ATF7IP: variants seen among roughly 807,000 people sequenced by gnomAD.
ATF7IP encodes the protein activating transcription factor 7-interacting protein 1.
ATF7IP carries 23 observed loss-of-function variants against 106.4 expected under a neutral mutation model. That is an observed-to-expected ratio of 0.22 (90% CI 0.16 to 0.31). The LOEUF is 0.31. Among genes scored for constraint, ATF7IP ranks in the 10% least tolerant of loss-of-function variants. ATF7IP has a pLI of 1.00. For synonymous variants in ATF7IP, 542 were observed against 539.0 expected, an observed-to-expected ratio of 1.01 and a Z score of -0.08; for missense variants, 1,334 against 1,524.3, an observed-to-expected ratio of 0.88 and a Z score of 2.08.
chr12:14,469,375 A>C (rs1035000799), intron 10 of ATF7IP, among the ~76,000 whole-genome samples: 11 of 151,710 alleles, frequency 7.3e-5, no homozygotes, highest in East Asian at 3.9e-4. Context: ...AAAAAAAAAA[A>C]AAAAAAAACT....
At chr12:14,385,445 C>CT (rs1322876754) in intron 1 of ATF7IP, 1 of 1,510,922 alleles carries the variant, frequency 6.6e-7, no homozygotes. Context: ...TCATTTTTTT[C>CT]TTTTTTAAAA....
chr12:14,421,693 A>G (rs1941516082), intron 1 of ATF7IP, among the ~76,000 whole-genome samples: 1 of 152,136 alleles, frequency 6.6e-6, no homozygotes, highest in East Asian at 1.9e-4. Context: ...GCTTAAGACT[A>G]ATATCTTTCT....
At chr12:14,395,315 C>T (rs570163462) in intron 1 of ATF7IP, 34 of 200 alleles carry the variant, frequency 0.17, no homozygotes, top group African/African-American at 0.35. Context: ...TTTCTCTCAC[C>T]ATTGGAAGTT....
intron 13 of ATF7IP, among the ~76,000 whole-genome samples, chr12:14,490,563 C>G (rs927249812): frequency 6.6e-6 from 1 of 152,278 alleles, no homozygotes; most frequent in Middle Eastern, 3.4e-3. Flanking sequence ...TCAGGGATGT[C>G]CTAGAAAGGG....
chr12:14,457,346 T>C, intron 8 of ATF7IP, 51 bp downstream of exon 8: 2 of 1,294,536 alleles, frequency 1.5e-6, no homozygotes, highest in South Asian at 2.7e-5. Context: ...ATTAAAGGCT[T>C]TGGTTCTCTT....
chr12:14,399,786 T>A lies in ATF7IP; in HGVS notation c.-7-24123T>A, dbSNP rs16909857. Among the ~76,000 whole-genome samples the A allele has an allele frequency of 8.1e-3, 1,228 of 152,252 alleles. 30 individuals carry two copies. Among genetic ancestry groups the A allele is most frequent in the African/African-American group, 0.028 (1,175 of 41,534 alleles). ...GTTTATTCTCCTACTAATTAGCTAG[T>A]GTTTTTTGTGGGATTTGGCACCTGA... is the stretch of plus-strand genomic sequence containing the variant. On this transcript the variant is annotated intron_variant, in intron 1 of 14. Coordinates refer to ENST00000261168, the MANE Select transcript of ATF7IP (RefSeq NM_018179.5).
intron 2 of ATF7IP, 137 bp from the exon 3 acceptor site, chr12:14,434,200 T>G: frequency 1.7e-6 from 1 of 584,574 alleles, no homozygotes; most frequent in Non-Finnish European, 3.0e-6. Context: ...CCTTTTCCCC[T>G]CCCCAAATTT....
intron 10 of ATF7IP, among the ~76,000 whole-genome samples, chr12:14,475,526 G>A (rs1235871634): frequency 2.0e-5 from 3 of 152,128 alleles, no homozygotes; most frequent in Admixed American, 1.3e-4. Flanking sequence ...TTTAATGATT[G>A]CCTTTGGTGT....
rs986577835 is a variant in ATF7IP, at chr12:14,499,200, A to C, written c.*1127A>C. On this transcript the variant is annotated 3_prime_UTR_variant, in exon 15 of 15. Transcript: ENST00000261168. Reference sequence around the variant, plus strand: ...TGTATGTACATGGATGTGTATGTACACACACACACAGGTGCATGCATAGTC... The same window carrying C: ...TGTATGTACATGGATGTGTATGTACCCACACACACAGGTGCATGCATAGTC... 6.6e-6 allele frequency: 1 copy of C among 151,766 alleles called. No homozygotes were observed. The highest frequency in any genetic ancestry group is 2.4e-5 in the African/African-American group (1 of 41,350). 9.4% of individuals were successfully genotyped at this position (151,766 alleles called of 1,614,324 possible). A position where few individuals can be genotyped will look rare whatever the true frequency, so the allele number is the denominator to read the frequency against.
chr12:14,452,326 A>G (rs957927679), intron 6 of ATF7IP, among the ~76,000 whole-genome samples: 1 of 152,210 alleles, frequency 6.6e-6, no homozygotes, highest in Non-Finnish European at 1.5e-5. Context: ...GGAGAATTTT[A>G]TCCATTTGCA....
rs1565561366 is a variant in ATF7IP, at chr12:14,496,213, T to TTTTTTG, written c.3281-14_3281-9dup. ...TAGAATTATCATTTTATCCTGTAATTTTTTTGTTTGTTTGTAGGTGTTACA... is the reference window on the plus strand; with the variant it reads ...TAGAATTATCATTTTATCCTGTAATTTTTTTGTTTTTGTTTGTTTGTAGGTGTTACA... On this transcript the variant is annotated splice_polypyrimidine_tract_variant and intron_variant, in intron 13 of 14. Transcript: ENST00000261168. The TTTTTTG allele has an allele frequency of 6.7e-7, 1 of 1,483,270 alleles. No individual in the cohort carries two copies. The highest frequency in any genetic ancestry group is 9.4e-7 in the Non-Finnish European group (1 of 1,063,990). 91.9% of individuals were successfully genotyped at this position (1,483,270 alleles called of 1,614,324 possible).
intron 1 of ATF7IP, among the ~76,000 whole-genome samples, chr12:14,388,572 CCT>C (rs1231383433): frequency 1.3e-5 from 2 of 152,086 alleles, no homozygotes; most frequent in Non-Finnish European, 2.9e-5. Context: ...GTCTTGAACT[CCT>C]GACCTAAAGT....
chr12:14,420,209 A>G (rs1039565108), intron 1 of ATF7IP: 2 of 152,228 alleles, frequency 1.3e-5, no homozygotes, highest in African/African-American at 4.8e-5. Flanking sequence ...TTGGGGAGAG[A>G]TTAAGGAAGT....
intron 5 of ATF7IP, among the ~76,000 whole-genome samples, chr12:14,440,314 G>A (rs1373180226): frequency 6.6e-6 from 1 of 152,058 alleles, no homozygotes; most frequent in East Asian, 1.9e-4. Context: ...TCCTTCCAAA[G>A]CATTGTACTA....
intron 1 of ATF7IP, among the ~76,000 whole-genome samples, chr12:14,375,842 T>C (rs774083663): frequency 2.0e-5 from 3 of 152,248 alleles, no homozygotes; most frequent in Non-Finnish European, 4.4e-5. Context: ...GAAGCAACTA[T>C]GTGCAGGGAG....
At chr12:14,448,231 G>A (rs1943060836) in intron 6 of ATF7IP, among the ~76,000 whole-genome samples, 1 of 152,020 alleles carries the variant, frequency 6.6e-6, no homozygotes, top group Non-Finnish European at 1.5e-5. Flanking sequence ...TGCAGCAATA[G>A]TACATAGAGC....
At chr12:14,393,069 T>G (rs1939652901) in intron 1 of ATF7IP, among the ~76,000 whole-genome samples, 1 of 152,194 alleles carries the variant, frequency 6.6e-6, no homozygotes, top group Non-Finnish European at 1.5e-5. Flanking sequence ...GATGAATAAT[T>G]CACTGTCAAG....
intron 1 of ATF7IP, among the ~76,000 whole-genome samples, chr12:14,391,974 G>A (rs1236423099): frequency 1.3e-5 from 2 of 152,290 alleles, no homozygotes; most frequent in Admixed American, 6.5e-5. Flanking sequence ...GCCTGCCTCG[G>A]CCTCCAAAAG....
intron 1 of ATF7IP, among the ~76,000 whole-genome samples, chr12:14,382,024 C>A (rs1591763790): frequency 6.6e-6 from 1 of 151,954 alleles, no homozygotes; most frequent in East Asian, 1.9e-4. Flanking sequence ...CATAGTGAGA[C>A]ATTATCTCTA....
Sources: gnomAD v4.1 joint callset for allele counts (sites outside exome capture counted in the v4.1 genomes callset) on GRCh38, gnomAD v4.1.1 for gene constraint, MANE v1.5 for transcripts, NCBI Gene and HGNC (gene_info 2026-07-23, HGNC 2026-07-21) for gene names.